Variants in OPCML observed in about 807,000 individuals in gnomAD.
OPCML encodes opioid binding protein/cell adhesion molecule like.
OPCML carries 13 observed loss-of-function variants against 37.8 expected under a neutral mutation model. The observed-to-expected ratio is 0.34, with a 90% confidence interval of 0.22 to 0.55. The LOEUF (loss-of-function observed/expected upper bound fraction) is 0.55, where lower values mean the gene tolerates loss of function less well. Ranked by LOEUF, OPCML falls within the 20% of genes least tolerant of loss-of-function variation. OPCML has a pLI of 0.91. For synonymous variants in OPCML, 176 were observed against 168.8 expected, an observed-to-expected ratio of 1.04 and a Z score of -0.33; for missense variants, 341 against 435.6, an observed-to-expected ratio of 0.78 and a Z score of 1.93.
chr11:132,696,442 GGAGAAAGTATTTTTTAAGCACC>G, intron 2 of OPCML, among the ~76,000 whole-genome samples: 1 of 152,208 alleles, frequency 6.6e-6, no homozygotes, highest in Admixed American at 6.5e-5. Flanking sequence ...ACAGGGAACA[GGAGAAAGTATTTTTTAAGCACC>G]TCTAATTGGT....
chr11:133,199,567 A>G (rs1043503624), intron 1 of OPCML, among the ~76,000 whole-genome samples: 7 of 152,138 alleles, frequency 4.6e-5, no homozygotes, highest in African/African-American at 1.2e-4. Context: ...AGGGGAGTGC[A>G]CAGCTATTCT....
At chr11:132,761,043 TC>T (rs1946242422) in intron 2 of OPCML, among the ~76,000 whole-genome samples, 1 of 152,148 alleles carries the variant, frequency 6.6e-6, no homozygotes, top group Non-Finnish European at 1.5e-5. Flanking sequence ...ATTTTATTTG[TC>T]CTTTGCTTAT....
intron 7 of OPCML, among the ~76,000 whole-genome samples, chr11:132,421,653 T>C (rs1274076196): frequency 6.6e-6 from 1 of 152,234 alleles, no homozygotes; most frequent in African/African-American, 2.4e-5. Flanking sequence ...AAAAGTCATA[T>C]TTACTTGATA....
At chr11:132,672,747 C>T (rs531819085) in intron 2 of OPCML, among the ~76,000 whole-genome samples, 1 of 152,110 alleles carries the variant, frequency 6.6e-6, no homozygotes, top group Non-Finnish European at 1.5e-5. Flanking sequence ...AGCCCCAACC[C>T]CTCTCTATTA....
intron 2 of OPCML, among the ~76,000 whole-genome samples, chr11:132,758,218 A>G (rs1017605437): frequency 2.0e-5 from 3 of 152,160 alleles, no homozygotes; most frequent in Non-Finnish European, 4.4e-5. Context: ...CTTCTAGTAT[A>G]GTTTGAAGTC....
intron 1 of OPCML, among the ~76,000 whole-genome samples, chr11:132,966,173 A>G (rs745337020): frequency 1.3e-5 from 2 of 152,106 alleles, no homozygotes; most frequent in Admixed American, 6.5e-5. Flanking sequence ...GTTTGCACCT[A>G]AAAATGTATC....
At chr11:133,276,155 A>G (rs773826642) in intron 1 of OPCML, among the ~76,000 whole-genome samples, 2 of 152,204 alleles carry the variant, frequency 1.3e-5, no homozygotes, top group Non-Finnish European at 2.9e-5. Flanking sequence ...AATATTTTTT[A>G]TTAGTGGCAA....
rs7930431 is a variant in OPCML at position 133,423,083 on chromosome 11, T to A, written c.61+109181A>T. The A allele has an allele frequency of 1.7e-3, 1,688 of 985,422 alleles. 31 individuals carry two copies. In the African/African-American group the frequency reaches 0.028, roughly 16 times the overall value. The allele number at this position is 985,422 out of a possible 1,614,324, so 61.0% of individuals were successfully genotyped here. ...AGATTTCAACTTATGCTCTCGAACG[T>A]GTTCTCCAGAATTGAGAAATGGGCT... is the stretch of plus-strand genomic sequence containing the variant. On this transcript the variant is annotated intron_variant, in intron 1 of 7. Coordinates refer to ENST00000524381, the MANE Select transcript of OPCML (RefSeq NM_001012393.5).
chr11:132,892,780 T>C (rs1943702076), intron 2 of OPCML, among the ~76,000 whole-genome samples: 1 of 151,712 alleles, frequency 6.6e-6, no homozygotes, highest in Non-Finnish European at 1.5e-5. Context: ...AAGTAAAGTA[T>C]TCTTTCCAAT....
chr11:133,483,737 GATAGATTC>G (rs1302517375), intron 1 of OPCML, among the ~76,000 whole-genome samples: 3 of 149,686 alleles, frequency 2.0e-5, no homozygotes, highest in South Asian at 4.3e-4. Flanking sequence ...AGGCAGATTA[GATAGATTC>G]ATAGATTCAT....
chr11:133,135,934 T>C (rs1405211591), intron 1 of OPCML, among the ~76,000 whole-genome samples: 1 of 152,218 alleles, frequency 6.6e-6, no homozygotes, highest in East Asian at 1.9e-4. Context: ...AGTTGCCATA[T>C]GTAACAGCGG....
intron 1 of OPCML, among the ~76,000 whole-genome samples, chr11:133,498,845 G>A (rs1389909280): frequency 6.6e-6 from 1 of 152,192 alleles, no homozygotes; most frequent in Non-Finnish European, 1.5e-5. Context: ...TTAGATGTAA[G>A]AATAACAGCT....
At chr11:132,604,644 C>T (rs1327005805) in intron 3 of OPCML, among the ~76,000 whole-genome samples, 3 of 152,192 alleles carry the variant, frequency 2.0e-5, no homozygotes, top group African/African-American at 7.2e-5. Context: ...CTCTTCATGA[C>T]TTTCTTGTTT....
intron 1 of OPCML, among the ~76,000 whole-genome samples, chr11:133,325,720 A>T (rs1943434477): frequency 6.6e-6 from 1 of 152,232 alleles, no homozygotes; most frequent in Admixed American, 6.5e-5. Context: ...ACTTGCCAAG[A>T]TGAGCAGCCT....
At chr11:132,500,174 T>C (rs1170483795) in intron 4 of OPCML, among the ~76,000 whole-genome samples, 1 of 152,208 alleles carries the variant, frequency 6.6e-6, no homozygotes, top group African/African-American at 2.4e-5. Context: ...TTAATGGCAG[T>C]GTCTTGTCTC....
chr11:132,594,398 A>C (rs2096489320), intron 3 of OPCML, among the ~76,000 whole-genome samples: 1 of 152,208 alleles, frequency 6.6e-6, no homozygotes, highest in Admixed American at 6.5e-5. Context: ...TATATGCATG[A>C]GAAAAGATTG....
At chr11:132,969,386 A>G (rs1194300618) in intron 1 of OPCML, among the ~76,000 whole-genome samples, 2 of 152,066 alleles carry the variant, frequency 1.3e-5, no homozygotes, top group East Asian at 1.9e-4. Context: ...CCTTTTCCCT[A>G]TGATGCTTAT....
chr11:133,038,867 C>A (rs1169707111), intron 1 of OPCML, among the ~76,000 whole-genome samples: 1 of 150,808 alleles, frequency 6.6e-6, no homozygotes, highest in Non-Finnish European at 1.5e-5. Context: ...GTTGAAACAA[C>A]TCCTCCCCCA....
chr11:133,507,495 C>T (rs142021750), intron 1 of OPCML, among the ~76,000 whole-genome samples: 30 of 152,318 alleles, frequency 2.0e-4, no homozygotes, highest in Admixed American at 6.5e-4. Context: ...CTTGCAAGAA[C>T]AGAGTTGAGG....
Sources: gnomAD v4.1 joint callset for allele counts (sites outside exome capture counted in the v4.1 genomes callset) on GRCh38, gnomAD v4.1.1 for gene constraint, MANE v1.5 for transcripts, NCBI Gene and HGNC (gene_info 2026-07-23, HGNC 2026-07-21) for gene names.